BICRA: variants seen among roughly 807,000 people sequenced by gnomAD.
The protein encoded by BICRA is BRD4-interacting chromatin-remodeling complex-associated protein.
BICRA carries 31 observed loss-of-function variants against 96.9 expected under a neutral mutation model. That is an observed-to-expected ratio of 0.32 (90% CI 0.24 to 0.43). BICRA has a LOEUF of 0.43. Among genes scored for constraint, BICRA ranks in the 20% least tolerant of loss-of-function variants. BICRA has a pLI of 1.00. For synonymous variants in BICRA, 1,350 were observed against 1,071.8 expected (o/e 1.26, Z -5.07); for missense variants, 2,283 against 2,190.3 (o/e 1.04, Z -0.84).
At chr19:47,623,947 G>A (rs1429540621) in intron 1 of BICRA, among the ~76,000 whole-genome samples, 1 of 151,530 alleles carries the variant, frequency 6.6e-6, no homozygotes, top group Non-Finnish European at 1.5e-5. Context: ...TGCCTTCGGC[G>A]TTCAAGAGAT....
chr19:47,699,421 G>A lies in BICRA; in HGVS notation c.3595+16G>A, dbSNP rs773038994. The A allele has an allele frequency of 4.2e-6, 6 of 1,421,382 alleles. No individual in the cohort carries two copies. Among genetic ancestry groups the A allele is most frequent in the Non-Finnish European group, 5.8e-6 (6 of 1,027,684 alleles). 88.0% of individuals were successfully genotyped at this position (1,421,382 alleles called of 1,614,324 possible). On this transcript the variant is annotated intron_variant, in intron 14 of 14. Transcript: ENST00000594866. The surrounding 1 kb of genome is among the most constrained non-coding windows in gnomAD (Gnocchi z 5.0). ...GAGAAGCCGGGTGAGAGGGGGGAGT[G>A]AGAGGGGAGGGGAGGGAGAGGTGCC...
chr19:47,637,175 A>C (rs181013613), intron 1 of BICRA, among the ~76,000 whole-genome samples: 1 of 151,962 alleles, frequency 6.6e-6, no homozygotes, highest in Non-Finnish European at 1.5e-5. Flanking sequence ...GCTGGAGTGC[A>C]GTGGTGCAAT....
At chr19:47,655,868 A>T (rs1320887236) in intron 1 of BICRA, among the ~76,000 whole-genome samples, 2 of 151,630 alleles carry the variant, frequency 1.3e-5, no homozygotes, top group African/African-American at 4.8e-5. Flanking sequence ...AAAAAAAATA[A>T]AAATAAAAAT....
In BICRA at chr19:47,702,291, C is replaced by A. The variant is rs1973473704; in HGVS notation, c.4559C>A (p.Ala1520Glu). 1 of 1,591,994 alleles carries A rather than the reference C, an allele frequency of 6.3e-7. No individual in the cohort carries two copies. The highest frequency in any genetic ancestry group is 1.1e-5 in the South Asian group (1 of 90,078). The change falls in exon 15 of 15, where the codon GCG (alanine) becomes GAG (glutamate). Residue 1520 changes from alanine (A) to glutamate (E), a missense_variant. Ala to Glu is a moderately radical substitution (Grantham distance 107, BLOSUM62 -1). Coordinates refer to ENST00000594866, the MANE Select transcript of BICRA (RefSeq NM_001394372.1). ...CAGCAGGCCCCCGGCCGGACGCCCG[C>A]GCCCTCGTACCCCCACGCTGCCTCG... ...NLQQAPGRTP[A>E]PSYPHAASAG...
At position 47,632,553 on chromosome 19, in the gene BICRA, G is replaced by A. The variant is rs373525547; in HGVS notation, c.-108+23385G>A. Among the ~76,000 whole-genome samples, 79 of 152,346 alleles carry A rather than the reference G, an allele frequency of 5.2e-4. 2 individuals carry two copies. The South Asian group carries it at 0.016, about 30-fold the overall frequency. On this transcript the variant is annotated intron_variant, in intron 1 of 14. Transcript: ENST00000594866. ...ATCCGATGGTCCCACCGCAGGGAGC[G>A]TGACCAGGAGGTGGAGTGTATTGGA...
At chr19:47,668,552 A>G (rs1331838498) in intron 1 of BICRA, among the ~76,000 whole-genome samples, 1 of 143,386 alleles carries the variant, frequency 7.0e-6, no homozygotes, top group African/African-American at 2.6e-5. Context: ...AAGTGGTGCG[A>G]TCTCGGCTCA....
chr19:47,608,680 G>A (rs967290444), upstream of BICRA, among the ~76,000 whole-genome samples: 2 of 151,500 alleles, frequency 1.3e-5, no homozygotes, highest in Non-Finnish European at 2.9e-5. Flanking sequence ...GGGGCTGGGG[G>A]CGGGGGCGGC....
chr19:47,616,801 C>T (rs896157448), intron 1 of BICRA, among the ~76,000 whole-genome samples: 1 of 151,810 alleles, frequency 6.6e-6, no homozygotes, highest in African/African-American at 2.4e-5. Context: ...AGTGAAGCTT[C>T]ACTTTGATTC....
chr19:47,656,788 T>G (rs1004341824), intron 1 of BICRA, among the ~76,000 whole-genome samples: 1 of 152,168 alleles, frequency 6.6e-6, no homozygotes, highest in African/African-American at 2.4e-5. Context: ...CAGTCATTCC[T>G]GCATCCCTCC....
rs776016811 is a variant in BICRA, at chr19:47,701,711, C to T, written c.3979C>T (p.Leu1327=). 1 of 1,597,502 alleles carries T rather than the reference C, an allele frequency of 6.3e-7. No individual in the cohort carries two copies. Among genetic ancestry groups the T allele is most frequent in the East Asian group, 2.3e-5 (1 of 44,086 alleles). ...CAGCAAGGTCGTGCACAACACGGCC[C>T]TGGACCCCGTGCACCAGCCCCCGCC... ...GLSKVVHNTA[L]DPVHQPPPPP... is the part of the protein sequence containing the mutation. The change falls in exon 15 of 15, where the codon CTG becomes TTG. Residue 1327 remains leucine (L), a synonymous_variant. Transcript: ENST00000594866. This position sits in a 1 kb window ranked among gnomAD's most constrained non-coding sequence, Gnocchi z 5.4.
intron 1 of BICRA, chr19:47,662,325 G>C (rs1972716105): frequency 6.6e-6 from 1 of 152,436 alleles, no homozygotes. Context: ...TTGCAGGCCA[G>C]CCTGGGCTTC....
In BICRA at chr19:47,682,031, C is replaced by G; in HGVS notation, c.2162C>G (p.Ser721Trp). 2 of 1,568,198 alleles carry G rather than the reference C, an allele frequency of 1.3e-6. No individual in the cohort carries two copies. The highest frequency in any genetic ancestry group is 1.7e-6 in the Non-Finnish European group (2 of 1,159,494). Residue 721 changes from serine to tryptophan, a missense_variant, in exon 7 of 15, where the codon TCG becomes TGG. Transcript: ENST00000594866. ...AEGPHLSVPA[S>W]VIVSAPPPAQ... ...GGCCCCCACCTCTCCGTGCCTGCCT[C>G]GGTCATAGTCAGCGCCCCGCCTCCC...
Position 47,694,289 on chromosome 19 carries a change from C to T in BICRA, c.2458C>T (p.His820Tyr). The part of the protein sequence containing the change: ...VSRPPSEPPL[H>Y]PCPPPQAPPT... ...CCGCCCTCCCTCAGAGCCACCCTTG[C>T]ACCCTTGCCCCCCACCCCAGGCCCC... The change falls in exon 8 of 15, where the codon CAC (histidine) becomes TAC (tyrosine). Residue 820 changes from histidine to tyrosine, a missense_variant. By Grantham distance (83) the His-to-Tyr change is moderately conservative. Coordinates refer to ENST00000594866, the MANE Select transcript of BICRA (RefSeq NM_001394372.1). The T allele has an allele frequency of 1.1e-6, 1 of 884,584 alleles. No individual in the cohort carries two copies. The highest frequency in any genetic ancestry group is 1.5e-5 in the South Asian group (1 of 65,116). 54.8% of individuals were successfully genotyped at this position (884,584 alleles called of 1,614,324 possible).
In BICRA at chr19:47,655,855, C is replaced by CA. The variant is rs1009237984; in HGVS notation, c.-107-14578dup. On this transcript the variant is annotated intron_variant, in intron 1 of 14. Transcript: ENST00000594866. The stretch of plus-strand genomic sequence containing the variant: ...TGGGTGACAGAGCGAGACTCCATCT[C>CA]AAAAAAAAAATAAAAATAAAAATAA... Among the ~76,000 whole-genome samples the CA allele has an allele frequency of 7.1e-4, 100 of 140,092 alleles. 1 individual carries two copies. Among genetic ancestry groups the CA allele is most frequent in the Middle Eastern group, 3.5e-3 (1 of 284 alleles). 91.9% of individuals were successfully genotyped at this position (140,092 alleles called of 152,430 possible).
intron 1 of BICRA, among the ~76,000 whole-genome samples, chr19:47,631,351 C>A (rs927634576): frequency 3.9e-5 from 6 of 152,204 alleles, no homozygotes; most frequent in Non-Finnish European, 4.4e-5. Context: ...CCTCAGCCTT[C>A]TCAGTAGCTG....
chr19:47,694,111 C>T lies in BICRA; in HGVS notation c.2284-4C>T. ...CCTCCCCTCTCCCTCCCTCCCCTGCCCAGATCCCGGCAGCGGCTCCGCTGA... is the reference window on the plus strand; with the variant it reads ...CCTCCCCTCTCCCTCCCTCCCCTGCTCAGATCCCGGCAGCGGCTCCGCTGA... On this transcript the variant is annotated splice_polypyrimidine_tract_variant and splice_region_variant and intron_variant, in intron 7 of 14. Coordinates refer to ENST00000594866, the MANE Select transcript of BICRA (RefSeq NM_001394372.1). 1 of 1,492,938 alleles carries T rather than the reference C, an allele frequency of 6.7e-7. No individual in the cohort carries two copies. Among genetic ancestry groups the T allele is most frequent in the Non-Finnish European group, 8.9e-7 (1 of 1,120,254 alleles). 92.5% of individuals were successfully genotyped at this position (1,492,938 alleles called of 1,614,324 possible).
intron 5 of BICRA, among the ~76,000 whole-genome samples, chr19:47,676,470 C>T (rs1012528373): frequency 4.6e-5 from 7 of 152,170 alleles, no homozygotes; most frequent in African/African-American, 1.7e-4. Flanking sequence ...TGACTAAGTG[C>T]CAGTTGTCCA....
intron 1 of BICRA, among the ~76,000 whole-genome samples, chr19:47,635,460 C>T (rs997152088): frequency 6.6e-6 from 1 of 151,658 alleles, no homozygotes; most frequent in African/African-American, 2.4e-5. Flanking sequence ...ACTATGTTGC[C>T]CAGGCTGGTC....
chr19:47,666,879 T>C (rs989369530), intron 1 of BICRA, among the ~76,000 whole-genome samples: 12 of 152,266 alleles, frequency 7.9e-5, no homozygotes, highest in African/African-American at 2.9e-4. Flanking sequence ...GCCTCCCTCC[T>C]TTTTACTTCT....
Sources: gnomAD v4.1 joint callset for allele counts (sites outside exome capture counted in the v4.1 genomes callset) on GRCh38, gnomAD v4.1.1 for gene constraint, Gnocchi (gnomAD v3.1) non-coding constraint, MANE v1.5 for transcripts, NCBI Gene and HGNC (gene_info 2026-07-23, HGNC 2026-07-21) for gene names.